Variants in CTNND2 observed in about 807,000 individuals in gnomAD.
CTNND2 encodes the protein catenin delta 2.
CTNND2 carries 22 observed loss-of-function variants against 144.4 expected under a neutral mutation model. The observed-to-expected ratio is 0.15, with a 90% confidence interval of 0.11 to 0.22. The LOEUF (loss-of-function observed/expected upper bound fraction) is 0.22, where lower values mean the gene tolerates loss of function less well. Among genes scored for constraint, CTNND2 ranks in the 10% least tolerant of loss-of-function variants. The pLI is 1.00. For missense variants in CTNND2, 1,353 were observed against 1,618.8 expected (o/e 0.84, Z 2.82); for synonymous variants, 751 against 695.6 (o/e 1.08, Z -1.25).
At chr5:11,131,046 C>T (rs1755546586) in intron 12 of CTNND2, among the ~76,000 whole-genome samples, 1 of 152,134 alleles carries the variant, frequency 6.6e-6, no homozygotes, top group African/African-American at 2.4e-5. Flanking sequence ...GTTACAAACA[C>T]AGCGAAAAGA....
chr5:11,847,131 TATA>T (rs1794777407), intron 1 of CTNND2, among the ~76,000 whole-genome samples: 32 of 9,106 alleles, frequency 3.5e-3, no homozygotes, highest in Admixed American at 0.014. Context: ...AAAGATTTTA[TATA>T]TATATATATA....
At chr5:11,331,069 C>T (rs912482972) in intron 9 of CTNND2, among the ~76,000 whole-genome samples, 1 of 152,166 alleles carries the variant, frequency 6.6e-6, no homozygotes, top group South Asian at 2.1e-4. Flanking sequence ...TAAAAAATCC[C>T]ATGCTTTGTA....
intron 1 of CTNND2, among the ~76,000 whole-genome samples, chr5:11,744,423 C>A (rs999595332): frequency 6.6e-6 from 1 of 152,064 alleles, no homozygotes; most frequent in African/African-American, 2.4e-5. Context: ...CAATCAGGGT[C>A]CCCTCAGACC....
chr5:11,101,884 C>CGTGTGTGTGTGTGTGTGT (rs1561304077), intron 14 of CTNND2, among the ~76,000 whole-genome samples: 1 of 88,498 alleles, frequency 1.1e-5, no homozygotes, highest in African/African-American at 5.0e-5. Flanking sequence ...ATGACGACCA[C>CGTGTGTGTGTGTGTGTGT]ATATGTGTGT....
chr5:11,876,222 G>C (rs1386791693), intron 1 of CTNND2, among the ~76,000 whole-genome samples: 2 of 148,304 alleles, frequency 1.3e-5, no homozygotes, highest in Non-Finnish European at 3.0e-5. Flanking sequence ...GCAGGAGGGA[G>C]GAGGCGGGAG....
At chr5:11,055,642 G>T (rs963226205) in intron 16 of CTNND2, among the ~76,000 whole-genome samples, 7 of 152,166 alleles carry the variant, frequency 4.6e-5, no homozygotes, top group Non-Finnish European at 1.0e-4. Context: ...CATCTCCCCA[G>T]TTAGGACCTA....
chr5:11,378,497 T>C, intron 7 of CTNND2, among the ~76,000 whole-genome samples: 1 of 152,342 alleles, frequency 6.6e-6, no homozygotes, highest in Middle Eastern at 3.4e-3. Flanking sequence ...AATTAGTAAA[T>C]GTACACTGGA....
chr5:11,527,444 C>T (rs1773355727), intron 3 of CTNND2, among the ~76,000 whole-genome samples: 1 of 152,134 alleles, frequency 6.6e-6, no homozygotes, highest in Non-Finnish European at 1.5e-5. Flanking sequence ...CTTCTGGGAG[C>T]CTGCCCTGGA....
chr5:11,111,679 G>A (rs763374280), intron 13 of CTNND2, among the ~76,000 whole-genome samples: 1 of 152,186 alleles, frequency 6.6e-6, no homozygotes, highest in Non-Finnish European at 1.5e-5. Flanking sequence ...AGAACCCTAG[G>A]TGTCCGATTT....
At chr5:11,163,740 T>C (rs983158075) in intron 11 of CTNND2, among the ~76,000 whole-genome samples, 7 of 152,172 alleles carry the variant, frequency 4.6e-5, no homozygotes, top group Non-Finnish European at 8.8e-5. Context: ...GTATACAAGA[T>C]ATAGCAAGGA....
intron 2 of CTNND2, among the ~76,000 whole-genome samples, chr5:11,643,303 T>C (rs1490649533): frequency 2.0e-5 from 3 of 151,960 alleles, no homozygotes; most frequent in Admixed American, 6.6e-5. Context: ...GTTACATATG[T>C]ATACATGTGC....
intron 3 of CTNND2, among the ~76,000 whole-genome samples, chr5:11,476,844 G>C (rs1399000922): frequency 6.6e-6 from 1 of 152,192 alleles, no homozygotes; most frequent in Non-Finnish European, 1.5e-5. Context: ...TGGGATTAGA[G>C]TGATTTTTCA....
intron 2 of CTNND2, among the ~76,000 whole-genome samples, chr5:11,573,751 G>C (rs941109710): frequency 6.6e-6 from 1 of 152,074 alleles, no homozygotes; most frequent in African/African-American, 2.4e-5. Flanking sequence ...CTTGGAAATG[G>C]AATCATAAGC....
intron 1 of CTNND2, among the ~76,000 whole-genome samples, chr5:11,885,384 A>G (rs1736443379): frequency 1.3e-5 from 2 of 152,160 alleles, no homozygotes; most frequent in Admixed American, 1.3e-4. Flanking sequence ...ACCACAAAAG[A>G]GCAGAAGTAG....
intron 2 of CTNND2, among the ~76,000 whole-genome samples, chr5:11,643,531 C>T (rs2126512688): frequency 6.6e-6 from 1 of 151,790 alleles, no homozygotes; most frequent in Admixed American, 6.6e-5. Flanking sequence ...TGATGGTTTC[C>T]AGCTTCATCC....
intron 1 of CTNND2, among the ~76,000 whole-genome samples, chr5:11,863,276 G>A (rs1795588714): frequency 6.6e-6 from 1 of 152,168 alleles, no homozygotes; most frequent in Non-Finnish European, 1.5e-5. Context: ...TTGTTTCTTA[G>A]TGTAAATGGT....
At position 11,128,902 on chromosome 5, in the gene CTNND2, T is replaced by TAATAC. The variant is rs1314355785; in HGVS notation, c.2160-11336_2160-11335insGTATT. 3.3e-4 allele frequency among the ~76,000 whole-genome samples: 19 copies of TAATAC among 58,274 alleles called. 4 individuals carry two copies. Among genetic ancestry groups the TAATAC allele is most frequent in the African/African-American group, 1.1e-3 (19 of 17,210 alleles). The allele number at this position is 58,274 out of a possible 152,430, so 38.2% of individuals were successfully genotyped here. ...ATAATACATAAATATATATTACATA[T>TAATAC]ATAAATATATATAATATATAATACA... is the stretch of plus-strand genomic sequence containing the variant. On this transcript the variant is annotated intron_variant, in intron 12 of 21. Transcript: ENST00000304623.
In CTNND2 at chr5:11,220,178, TA is replaced by T. The variant is rs1317135553; in HGVS notation, c.1761+16512del. Reference sequence around the variant, plus strand: ...GCTTCTCCATCACCTGTGAAGATGGTAAAAATCCATAAAAAAAAAAATTTAG... The same window carrying T: ...GCTTCTCCATCACCTGTGAAGATGGTAAAATCCATAAAAAAAAAAATTTAG... On this transcript the variant is annotated intron_variant, in intron 10 of 21. Transcript: ENST00000304623. 2.0e-5 allele frequency among the ~76,000 whole-genome samples: 3 copies of T among 151,156 alleles called. No homozygotes were observed. The East Asian group carries it at 5.8e-4, about 29-fold the overall frequency.
chr5:10,995,454 G>A (rs1160830944), intron 18 of CTNND2, among the ~76,000 whole-genome samples: 1 of 152,202 alleles, frequency 6.6e-6, no homozygotes, highest in Non-Finnish European at 1.5e-5. Flanking sequence ...CCTCGTGACG[G>A]GGACAAAAGT....
Sources: gnomAD v4.1 joint callset for allele counts (sites outside exome capture counted in the v4.1 genomes callset) on GRCh38, gnomAD v4.1.1 for gene constraint, MANE v1.5 for transcripts, NCBI Gene and HGNC (gene_info 2026-07-23, HGNC 2026-07-21) for gene names.